Variants in CFAP54 observed in about 807,000 individuals in gnomAD.
CFAP54 encodes the protein cilia and flagella associated protein 54, also known as cilia- and flagella-associated protein 54.
Under a neutral mutation model 370.4 loss-of-function variants are expected in CFAP54, and 290 were observed. That is an observed-to-expected ratio of 0.78 (90% CI 0.71 to 0.86). The LOEUF (loss-of-function observed/expected upper bound fraction) is 0.86. Ranked by LOEUF, CFAP54 falls within the 40% of genes least tolerant of loss-of-function variation. CFAP54 has a pLI of 0.00. For synonymous variants in CFAP54, 1,206 were observed against 1,236.5 expected (o/e 0.98, Z 0.52); for missense variants, 3,399 against 3,528.7 (o/e 0.96, Z 0.93).
chr12:96,854,166 A>G (rs1959634155), intron 66 of CFAP54, among the ~76,000 whole-genome samples: 1 of 152,152 alleles, frequency 6.6e-6, no homozygotes, highest in South Asian at 2.1e-4. Context: ...GAGATAATTC[A>G]TTACTATAAA....
At chr12:96,500,809 TC>T in intron 1 of CFAP54, 24 bp from the exon 2 acceptor site, 1 of 1,478,678 alleles carries the variant, frequency 6.8e-7, no homozygotes, top group Non-Finnish European at 9.1e-7. Flanking sequence ...TTTGACAATG[TC>T]GTTTTATTTT....
Position 96,786,761 on chromosome 12 carries a change from A to G in CFAP54, c.8542A>G (p.Lys2848Glu). Residue 2848 changes from lysine to glutamate, a missense_variant, in exon 62 of 68, where the codon AAA (lysine) becomes GAA (glutamate). Transcript: ENST00000524981. ...LYNSELILRQ[K>E]EVHFFLKKFL... is the part of the protein sequence containing the mutation. ...CAACTCTGAGTTGATTTTGCGCCAGAAAGAAGTGCATTTTTTCCTTAAAAA... is the reference window on the plus strand; with the variant it reads ...CAACTCTGAGTTGATTTTGCGCCAGGAAGAAGTGCATTTTTTCCTTAAAAA... The G allele has an allele frequency of 6.5e-7, 1 of 1,535,974 alleles. No individual in the cohort carries two copies. Among genetic ancestry groups the G allele is most frequent in the Non-Finnish European group, 8.7e-7 (1 of 1,146,792 alleles).
chr12:96,829,360 T>C (rs1959162582), intron 66 of CFAP54, among the ~76,000 whole-genome samples: 1 of 152,270 alleles, frequency 6.6e-6, no homozygotes, highest in South Asian at 2.1e-4. Flanking sequence ...CCTATTAATA[T>C]TTAGAGTATA....
In CFAP54 at chr12:96,617,800, C is replaced by G. The variant is rs566791886; in HGVS notation, c.3640-3790C>G. ...GGTCAGGAGATCAAGACCATCCTGG[C>G]TAACACGGTGAAACCCTGTCTTTAC... On this transcript the variant is annotated intron_variant, in intron 26 of 67. Coordinates refer to ENST00000524981, the MANE Select transcript of CFAP54 (RefSeq NM_001306084.2). Among the ~76,000 whole-genome samples the G allele has an allele frequency of 3.0e-3, 456 of 152,156 alleles. 3 individuals are homozygous for G. The highest frequency in any genetic ancestry group is 0.01 in the African/African-American group (418 of 41,518).
At chr12:96,657,753 T>G in intron 36 of CFAP54, 129 bp from the exon 37 acceptor site, 1 of 708,170 alleles carries the variant, frequency 1.4e-6, no homozygotes, top group South Asian at 1.9e-5. Context: ...TTGACTTGCA[T>G]AAGAAAAATA....
chr12:96,691,866 T>A (rs1957392049), intron 44 of CFAP54, among the ~76,000 whole-genome samples: 1 of 152,172 alleles, frequency 6.6e-6, no homozygotes. Flanking sequence ...GTCATAAATT[T>A]GAAGCTGGTT....
intron 50 of CFAP54, among the ~76,000 whole-genome samples, chr12:96,723,868 C>G (rs2136614401): frequency 7.3e-6 from 1 of 136,700 alleles, no homozygotes; most frequent in Admixed American, 7.6e-5. Context: ...GTGATGTTCC[C>G]CTTCCTGTGT....
chr12:96,623,078 G>A (rs911259151), intron 27 of CFAP54, among the ~76,000 whole-genome samples: 7 of 152,050 alleles, frequency 4.6e-5, no homozygotes, highest in Non-Finnish European at 7.4e-5. Context: ...GAAGCTTTCA[G>A]TCCAGCAGAA....
chr12:96,603,719 T>C (rs184718211), intron 26 of CFAP54, among the ~76,000 whole-genome samples: 1 of 152,294 alleles, frequency 6.6e-6, no homozygotes, highest in Admixed American at 6.5e-5. Flanking sequence ...TTTCAATCAC[T>C]GATATCCTTT....
chr12:96,699,658 A>C (rs1188005977), intron 45 of CFAP54, among the ~76,000 whole-genome samples: 1 of 152,150 alleles, frequency 6.6e-6, no homozygotes, highest in Non-Finnish European at 1.5e-5. Flanking sequence ...CATTAAAAAA[A>C]CTTTTATACA....
chr12:96,577,009 T>C (rs538248763), intron 20 of CFAP54, among the ~76,000 whole-genome samples: 1 of 152,316 alleles, frequency 6.6e-6, no homozygotes, highest in South Asian at 2.1e-4. Context: ...GGAGAAACAG[T>C]AGAGAAGCAC....
At chr12:96,579,925 C>A (rs1185283061) in intron 20 of CFAP54, among the ~76,000 whole-genome samples, 1 of 151,538 alleles carries the variant, frequency 6.6e-6, no homozygotes. Flanking sequence ...AAAGTAATAT[C>A]ATGTTTCAGA....
At chr12:96,519,109 T>G in intron 6 of CFAP54, 38 bp downstream of exon 6, 1 of 1,504,426 alleles carries the variant, frequency 6.6e-7, no homozygotes, top group Non-Finnish European at 8.9e-7. Context: ...CGAGTTTTTT[T>G]TTTTTTTGAG....
chr12:96,825,462 A>AAC (rs1959085366), intron 65 of CFAP54, among the ~76,000 whole-genome samples: 1 of 116,506 alleles, frequency 8.6e-6, no homozygotes, highest in South Asian at 2.4e-4. Flanking sequence ...TATATAATAT[A>AAC]ATATATTATA....
At chr12:96,788,890 A>G (rs1040069685) in intron 62 of CFAP54, among the ~76,000 whole-genome samples, 4 of 152,212 alleles carry the variant, frequency 2.6e-5, no homozygotes, top group Non-Finnish European at 5.9e-5. Context: ...TCTCCTAGAT[A>G]CTGGGATATT....
Position 96,564,631 on chromosome 12 carries a change from T to G in CFAP54, c.2498-13T>G. 1.5e-6 allele frequency: 1 copy of G among 648,586 alleles called. No individual in the cohort carries two copies. 40.2% of individuals were successfully genotyped at this position (648,586 alleles called of 1,614,324 possible). A position where few individuals can be genotyped will look rare whatever the true frequency, so the allele number is the denominator to read the frequency against. ...TTAATCTCACCTTTTTGGTAAAATG[T>G]TTGTTTTTATAGAATTAAATATAAT... On this transcript the variant is annotated splice_polypyrimidine_tract_variant and intron_variant, in intron 18 of 67. Coordinates refer to ENST00000524981, the MANE Select transcript of CFAP54 (RefSeq NM_001306084.2).
chr12:96,858,085 C>T (rs1172551992), intron 66 of CFAP54, among the ~76,000 whole-genome samples: 1 of 152,202 alleles, frequency 6.6e-6, no homozygotes, highest in East Asian at 1.9e-4. Flanking sequence ...AATCACCATA[C>T]TGCTTTCCAC....
intron 66 of CFAP54, among the ~76,000 whole-genome samples, chr12:96,857,692 A>G (rs527369566): frequency 6.6e-6 from 1 of 152,198 alleles, no homozygotes; most frequent in African/African-American, 2.4e-5. Flanking sequence ...TGTTCTTGTG[A>G]TAGTGAGTTC....
At chr12:96,784,644 T>G in intron 60 of CFAP54, 73 bp from the exon 61 acceptor site, 2 of 1,141,386 alleles carry the variant, frequency 1.8e-6, no homozygotes, top group Non-Finnish European at 2.3e-6. Flanking sequence ...TGTGCTTTTT[T>G]TCTGTTCATG....
Sources: allele counts gnomAD v4.1 joint callset (sites outside exome capture counted in the v4.1 genomes callset), GRCh38; gene constraint gnomAD v4.1.1; transcripts MANE v1.5; gene names NCBI Gene and HGNC (gene_info 2026-07-23, HGNC 2026-07-21).